ATG16L2: variants seen among roughly 807,000 people sequenced by gnomAD.
ATG16L2 encodes protein Atg16l2.
Under a neutral mutation model 84.7 loss-of-function variants are expected in ATG16L2, and 77 were observed. The observed-to-expected ratio is 0.91, with a 90% CI of 0.76 to 1.10. The LOEUF is 1.10. ATG16L2 is among the 50% of genes least tolerant of loss of function. The pLI, the probability that ATG16L2 is intolerant of heterozygous loss-of-function variation, is 0.00. For synonymous variants in ATG16L2, 361 were observed against 342.8 expected (o/e 1.05, Z -0.59); for missense variants, 782 against 817.6 (o/e 0.96, Z 0.53).
In ATG16L2 at chr11:72,843,184, G is replaced by A. The variant is rs549243569; in HGVS notation, c.*589G>A. On this transcript the variant is annotated 3_prime_UTR_variant, in exon 6 of 6. Transcript: ENST00000534905. Reference sequence around the variant, plus strand: ...TCTCCGTTGAGGCTGCCTGAAACGAGTTCTGCTTCCGTGGAATTGCTGGAC... The same window carrying A: ...TCTCCGTTGAGGCTGCCTGAAACGAATTCTGCTTCCGTGGAATTGCTGGAC... 6 of 1,614,010 alleles carry A rather than the reference G, an allele frequency of 3.7e-6. No individual in the cohort carries two copies. The African/African-American group carries it at 4.0e-5, about 11-fold the overall frequency.
At chr11:72,816,454 GTA>G in intron 1 of ATG16L2, 1 of 388,182 alleles carries the variant, frequency 2.6e-6, no homozygotes, top group Non-Finnish European at 4.8e-6. Flanking sequence ...TCAGCGGGCA[GTA>G]CCCCGCAGTG....
chr11:72,824,182 T>C (rs1860193471), intron 8 of ATG16L2, 60 bp downstream of exon 8: 4 of 1,602,742 alleles, frequency 2.5e-6, no homozygotes, highest in Non-Finnish European at 3.4e-6. Flanking sequence ...CAGCCCAGGC[T>C]TGGTCTGTGT....
chr11:72,840,823 C>T, intron 5 of ATG16L2: 1 of 1,317,280 alleles, frequency 7.6e-7, no homozygotes, highest in Non-Finnish European at 1.1e-6. Flanking sequence ...TAATTCCTTA[C>T]TTTCAATTTG....
At chr11:72,823,104 C>A in intron 7 of ATG16L2, 143 bp downstream of exon 7, 1 of 609,364 alleles carries the variant, frequency 1.6e-6, no homozygotes, top group Non-Finnish European at 2.9e-6. Context: ...TCTCCCAGGG[C>A]TAGTCTGACC....
downstream of ATG16L2, among the ~76,000 whole-genome samples, chr11:72,833,643 G>A (rs949713635): frequency 1.3e-5 from 2 of 152,186 alleles, no homozygotes; most frequent in South Asian, 2.1e-4. Context: ...AGGAAAGGCC[G>A]GGCGAGGTGG....
chr11:72,821,444 C>T (rs1591300402), intron 3 of ATG16L2: 1 of 1,365,588 alleles, frequency 7.3e-7, no homozygotes, highest in Non-Finnish European at 9.5e-7. Flanking sequence ...AGCGGCACGG[C>T]GAGGATTGGG....
chr11:72,819,735 G>A (rs2135083881), intron 3 of ATG16L2, among the ~76,000 whole-genome samples: 1 of 151,942 alleles, frequency 6.6e-6, no homozygotes, highest in South Asian at 2.1e-4. Flanking sequence ...CAGTGAGGAG[G>A]CTTTTTCTTT....
At chr11:72,826,365 T>G (rs1353417463) in intron 11 of ATG16L2, 122 bp downstream of exon 11, 1 of 1,425,838 alleles carries the variant, frequency 7.0e-7, no homozygotes, top group Non-Finnish European at 9.6e-7. Context: ...CCTGGGCTCT[T>G]ACACAGATCC....
In ATG16L2 at chr11:72,822,747, C is replaced by T; in HGVS notation, c.711-101C>T. The T allele has an allele frequency of 2.8e-6, 3 of 1,069,782 alleles. No homozygotes were observed. Among genetic ancestry groups the T allele is most frequent in the Non-Finnish European group, 4.1e-6 (3 of 738,914 alleles). The allele number at this position is 1,069,782 out of a possible 1,614,324, so 66.3% of individuals were successfully genotyped here. On this transcript the variant is annotated intron_variant, in intron 6 of 17. Coordinates refer to ENST00000321297, the MANE Select transcript of ATG16L2 (RefSeq NM_033388.2). This position sits in a 1 kb window ranked among gnomAD's most constrained non-coding sequence, Gnocchi z 4.2. ...GCTGCACGTGTACACCCACACAGAA[C>T]CCTCATCACTGGGAATTCCTGTCTT...
chr11:72,832,863 T>C (rs1860637101), downstream of ATG16L2, among the ~76,000 whole-genome samples: 1 of 152,220 alleles, frequency 6.6e-6, no homozygotes, highest in Admixed American at 6.5e-5. Context: ...TCTGTCTTCC[T>C]GGGAGATCTT....
Position 72,822,194 on chromosome 11 carries a change from G to A in ATG16L2, c.543G>A (p.Leu181=), listed in dbSNP as rs1860038962. The A allele has an allele frequency of 6.6e-7, 1 of 1,504,984 alleles. No homozygotes were observed. The highest frequency in any genetic ancestry group is 8.8e-7 in the Non-Finnish European group (1 of 1,136,434). The allele number at this position is 1,504,984 out of a possible 1,614,324, so 93.2% of individuals were successfully genotyped here. A position where few individuals can be genotyped will look rare whatever the true frequency, so the allele number is the denominator to read the frequency against. ...RAHVGLREAA[L]RRLQEEARDL... is the part of the protein sequence containing the mutation. ...ACGTCGGGCTCCGGGAGGCGGCACT[G>A]CGCAGGCTCCAGGAAGAGGCGCGCG... is the stretch of plus-strand genomic sequence containing the variant. The change falls in exon 5 of 18, where the codon CTG becomes CTA. Residue 181 remains leucine (L), a synonymous_variant. Coordinates refer to ENST00000321297, the MANE Select transcript of ATG16L2 (RefSeq NM_033388.2). This position sits in a 1 kb window ranked among gnomAD's most constrained non-coding sequence, Gnocchi z 4.2.
rs1860077989 is a variant in ATG16L2, at chr11:72,822,596, C to T, written c.710+53C>T. ...CCTTGCGTTCTGCCTCCCGCCCCGCCTGCCTGCGGCGACCCAGGCTGCCGA... is the reference window on the plus strand; with the variant it reads ...CCTTGCGTTCTGCCTCCCGCCCCGCTTGCCTGCGGCGACCCAGGCTGCCGA... On this transcript the variant is annotated intron_variant, in intron 6 of 17. Coordinates refer to ENST00000321297, the MANE Select transcript of ATG16L2 (RefSeq NM_033388.2). This position sits in a 1 kb window ranked among gnomAD's most constrained non-coding sequence, Gnocchi z 4.2. 2 of 1,591,986 alleles carry T rather than the reference C, an allele frequency of 1.3e-6. No homozygotes were observed. The highest frequency in any genetic ancestry group is 3.6e-5 in the Admixed American group (2 of 55,698).
intron 16 of ATG16L2, 25 bp downstream of exon 16, chr11:72,828,801 G>T (rs977705949): frequency 6.2e-7 from 1 of 1,614,186 alleles, no homozygotes; most frequent in Admixed American, 1.7e-5. Context: ...GCATATGCCT[G>T]TGTCCAAGTG....
intron 1 of ATG16L2, chr11:72,815,822 C>T (rs1240010075): frequency 6.6e-6 from 1 of 152,172 alleles, no homozygotes; most frequent in Non-Finnish European, 1.5e-5. Flanking sequence ...CCACCCTCCC[C>T]TGGAACTGGT....
chr11:72,841,661 A>G, intron 5 of ATG16L2: 1 of 1,384,396 alleles, frequency 7.2e-7, no homozygotes, highest in Non-Finnish European at 9.6e-7. Flanking sequence ...ACTGCTCTGT[A>G]CTCATGCCTT....
At chr11:72,843,658 A>C in exon 6 of ATG16L2, 1 of 670,114 alleles carries the variant, frequency 1.5e-6, no homozygotes, top group Non-Finnish European at 2.6e-6. Context: ...GAACATAAAA[A>C]TTTAAATGCT....
In ATG16L2 at chr11:72,822,127, A is replaced by C; in HGVS notation, c.476A>C (p.Gln159Pro). ...CAGCAGGTGGAGGAGTGGCGGGCGC[A>C]GAATGCGGTGCAGCGGGCAGCCTAC... Reference protein sequence around the residue: ...QAQQVEEWRAQNAVQRAAYEA... With the variant: ...QAQQVEEWRAPNAVQRAAYEA... Residue 159 changes from glutamine (Q) to proline (P), a missense_variant, in exon 5 of 18, where the codon CAG becomes CCG. Transcript: ENST00000321297. The surrounding 1 kb of genome is among the most constrained non-coding windows in gnomAD (Gnocchi z 4.2). The C allele has an allele frequency of 6.6e-7, 1 of 1,511,560 alleles. No homozygotes were observed. The highest frequency in any genetic ancestry group is 8.8e-7 in the Non-Finnish European group (1 of 1,139,082). The allele number at this position is 1,511,560 out of a possible 1,614,324, so 93.6% of individuals were successfully genotyped here.
intron 2 of ATG16L2, 58 bp from the exon 3 acceptor site, chr11:72,817,698 G>A: frequency 6.5e-7 from 1 of 1,548,200 alleles, no homozygotes; most frequent in Non-Finnish European, 8.9e-7. Flanking sequence ...TCACTTGGGT[G>A]CCTTTGGGCA....
chr11:72,822,371 G>C lies in ATG16L2; in HGVS notation c.644+76G>C, dbSNP rs767468123. On this transcript the variant is annotated intron_variant, in intron 5 of 17. Coordinates refer to ENST00000321297, the MANE Select transcript of ATG16L2 (RefSeq NM_033388.2). This position sits in a 1 kb window ranked among gnomAD's most constrained non-coding sequence, Gnocchi z 4.2. ...GAGGAGTCGGGCCTCGCCGGTGTCT[G>C]GAAGGGAGGGGGGCAGCAGCCGCCC... is the stretch of plus-strand genomic sequence containing the variant. 6.4e-7 allele frequency: 1 copy of C among 1,574,748 alleles called. No homozygotes were observed. The highest frequency in any genetic ancestry group is 8.6e-7 in the Non-Finnish European group (1 of 1,161,318).
Sources: allele counts gnomAD v4.1 joint callset (sites outside exome capture counted in the v4.1 genomes callset), GRCh38; gene constraint gnomAD v4.1.1; non-coding constraint Gnocchi (gnomAD v3.1); transcripts MANE v1.5; gene names NCBI Gene and HGNC (gene_info 2026-07-23, HGNC 2026-07-21).